The following WDFY1 variants were observed in gnomAD, a reference collection of about 807,000 sequenced individuals.
WDFY1 encodes the protein WD repeat and FYVE domain-containing protein 1.
In WDFY1, 32 loss-of-function variants were observed where a neutral mutation model predicts 56.4. The observed-to-expected ratio is 0.57, with a 90% CI of 0.43 to 0.76. The LOEUF (loss-of-function observed/expected upper bound fraction) is 0.76. WDFY1 is among the 30% of genes least tolerant of loss of function. The probability of loss-of-function intolerance (pLI) is 0.00; values close to 1 mark genes in which losing one functional copy is unlikely to be tolerated. For missense variants in WDFY1, 480 were observed against 545.7 expected (o/e 0.88, Z 1.20); for synonymous variants, 192 against 197.3 (o/e 0.97, Z 0.23).
chr2:223,921,410 A>C (rs923839543), intron 1 of WDFY1, among the ~76,000 whole-genome samples: 1 of 152,192 alleles, frequency 6.6e-6, no homozygotes, highest in African/African-American at 2.4e-5. Context: ...AGACTGCAGG[A>C]AACTCCATAG....
chr2:223,905,869 T>G, intron 4 of WDFY1, 78 bp downstream of exon 4: 1 of 1,047,652 alleles, frequency 9.5e-7, no homozygotes, highest in Non-Finnish European at 1.3e-6. Context: ...AAATCTAATT[T>G]TCATCATAAG....
chr2:223,885,524 A>G (rs1693158987), intron 8 of WDFY1, among the ~76,000 whole-genome samples: 1 of 152,134 alleles, frequency 6.6e-6, no homozygotes, highest in African/African-American at 2.4e-5. Context: ...AATCATGGCA[A>G]TTTTAGCCAT....
chr2:223,925,298 G>A (rs1029214302), intron 1 of WDFY1, among the ~76,000 whole-genome samples: 10 of 151,258 alleles, frequency 6.6e-5, no homozygotes, highest in African/African-American at 1.2e-4. Context: ...AGCAAATGTC[G>A]CAACAAAGTG....
At chr2:223,891,705 T>A (rs575052075) in intron 8 of WDFY1, among the ~76,000 whole-genome samples, 1 of 152,180 alleles carries the variant, frequency 6.6e-6, no homozygotes, top group African/African-American at 2.4e-5. Context: ...TTACCAACGA[T>A]AAAAAGAGCA....
chr2:223,921,622 G>A (rs533798169), intron 1 of WDFY1, among the ~76,000 whole-genome samples: 6 of 150,364 alleles, frequency 4.0e-5, no homozygotes, highest in African/African-American at 1.5e-4. Flanking sequence ...ACAGGGTTTC[G>A]CTCCGTCACC....
intron 1 of WDFY1, among the ~76,000 whole-genome samples, chr2:223,921,175 C>T (rs1412585891): frequency 6.6e-6 from 1 of 152,182 alleles, no homozygotes; most frequent in Non-Finnish European, 1.5e-5. Context: ...AAGATCTGTA[C>T]ACACTATTAT....
chr2:223,891,720 A>G (rs1331007994), intron 8 of WDFY1, among the ~76,000 whole-genome samples: 1 of 152,144 alleles, frequency 6.6e-6, no homozygotes, highest in East Asian at 1.9e-4. Context: ...AGAGCAGGTT[A>G]AAATCTAAGT....
intron 7 of WDFY1, 80 bp from the exon 8 acceptor site, chr2:223,894,419 C>T: frequency 7.0e-7 from 1 of 1,425,536 alleles, no homozygotes; most frequent in African/African-American, 1.4e-5. Flanking sequence ...TCAAATTGCT[C>T]TCCTCATTAA....
intron 3 of WDFY1, among the ~76,000 whole-genome samples, chr2:223,911,162 G>A (rs1693691541): frequency 6.6e-6 from 1 of 152,116 alleles, no homozygotes; most frequent in African/African-American, 2.4e-5. Flanking sequence ...CATATTGTAT[G>A]AGTCTATTTA....
chr2:223,892,458 T>C (rs962798635), intron 8 of WDFY1, among the ~76,000 whole-genome samples: 1 of 152,228 alleles, frequency 6.6e-6, no homozygotes, highest in African/African-American at 2.4e-5. Flanking sequence ...CTCTGTATTA[T>C]GGATTGCATT....
At chr2:223,931,388 G>A (rs1399848102) in intron 1 of WDFY1, among the ~76,000 whole-genome samples, 1 of 152,204 alleles carries the variant, frequency 6.6e-6, no homozygotes, top group East Asian at 1.9e-4. Context: ...CCACAGTTAT[G>A]ATTAAGAATA....
At chr2:223,889,996 T>C (rs1693241349) in intron 8 of WDFY1, among the ~76,000 whole-genome samples, 1 of 152,178 alleles carries the variant, frequency 6.6e-6, no homozygotes, top group Non-Finnish European at 1.5e-5. Flanking sequence ...ACGCAGATCC[T>C]GGGCAGATCC....
intron 2 of WDFY1, among the ~76,000 whole-genome samples, chr2:223,916,028 C>G (rs73994435): frequency 0.011 from 1,740 of 152,278 alleles, 36 homozygotes; most frequent in African/African-American, 0.039. Flanking sequence ...AAATTATGAT[C>G]AGGTTTTCAA....
chr2:223,909,965 T>C (rs931048956), intron 3 of WDFY1, among the ~76,000 whole-genome samples: 1 of 152,190 alleles, frequency 6.6e-6, no homozygotes, highest in African/African-American at 2.4e-5. Flanking sequence ...CAATAAAATT[T>C]AAAGCTTTAC....
chr2:223,926,553 C>T (rs1693982475), intron 1 of WDFY1, among the ~76,000 whole-genome samples: 1 of 152,134 alleles, frequency 6.6e-6, no homozygotes, highest in Admixed American at 6.5e-5. Context: ...ATGTCTCCAT[C>T]CTCAGAGTTC....
In WDFY1 at chr2:223,877,485, GCTC is replaced by G. The variant is rs1692990968; in HGVS notation, c.*1183_*1185del. ...CAAATACTGGAATATTAAAAGACAG[GCTC>G]CTCATTTCTTCTCTTCCTCATCCTG... On this transcript the variant is annotated 3_prime_UTR_variant, in exon 12 of 12. Coordinates refer to ENST00000233055, the MANE Select transcript of WDFY1 (RefSeq NM_020830.5). 1.3e-5 allele frequency: 2 copies of G among 152,080 alleles called. No individual in the cohort carries two copies. Among genetic ancestry groups the G allele is most frequent in the South Asian group, 2.1e-4 (1 of 4,830 alleles). 9.4% of individuals were successfully genotyped at this position (152,080 alleles called of 1,614,324 possible).
chr2:223,925,419 T>C (rs971664882), intron 1 of WDFY1, among the ~76,000 whole-genome samples: 2 of 152,168 alleles, frequency 1.3e-5, no homozygotes, highest in East Asian at 3.9e-4. Flanking sequence ...AGTTTTAAAA[T>C]ACTTTATTGC....
intron 1 of WDFY1, among the ~76,000 whole-genome samples, chr2:223,930,486 C>T (rs539036127): frequency 2.5e-4 from 38 of 152,306 alleles, no homozygotes; most frequent in African/African-American, 7.9e-4. Flanking sequence ...TGCGCCACCA[C>T]GCCAGGCTAA....
intron 8 of WDFY1, among the ~76,000 whole-genome samples, chr2:223,885,252 G>A (rs548873014): frequency 2.6e-5 from 4 of 152,092 alleles, no homozygotes; most frequent in African/African-American, 9.6e-5. Flanking sequence ...GTGCAGTGTC[G>A]TGAACATGGC....
Sources: allele counts gnomAD v4.1 joint callset (sites outside exome capture counted in the v4.1 genomes callset), GRCh38; gene constraint gnomAD v4.1.1; transcripts MANE v1.5; gene names NCBI Gene and HGNC (gene_info 2026-07-23, HGNC 2026-07-21).